KCNQ3: variants seen among roughly 807,000 people sequenced by gnomAD.
KCNQ3 encodes potassium voltage-gated channel subfamily KQT member 3.
Under a neutral mutation model 92.5 loss-of-function variants are expected in KCNQ3, and 30 were observed. The observed-to-expected ratio is 0.32, with a 90% CI of 0.24 to 0.44. The LOEUF (loss-of-function observed/expected upper bound fraction) is 0.44, where lower values mean the gene tolerates loss of function less well. KCNQ3 is among the 20% of genes least tolerant of loss of function. The pLI, the probability that KCNQ3 is intolerant of heterozygous loss-of-function variation, is 1.00. For synonymous variants in KCNQ3, 450 were observed against 468.8 expected (o/e 0.96, Z 0.52); for missense variants, 913 against 1,140.3 (o/e 0.80, Z 2.87).
At chr8:132,454,629 A>C (rs2721909) in intron 1 of KCNQ3, among the ~76,000 whole-genome samples, 141,218 of 152,076 alleles carry the variant, frequency 0.93, 65,585 homozygotes, top group East Asian at 0.93. Flanking sequence ...CCTGATACCC[A>C]CACTGTCCTT....
chr8:132,231,864 C>A (rs1202991826), intron 1 of KCNQ3, among the ~76,000 whole-genome samples: 1 of 152,202 alleles, frequency 6.6e-6, no homozygotes, highest in Non-Finnish European at 1.5e-5. Context: ...GACTTCAGAC[C>A]CTAATAGTTG....
chr8:132,436,530 A>G (rs1821399663), intron 1 of KCNQ3, among the ~76,000 whole-genome samples: 1 of 152,206 alleles, frequency 6.6e-6, no homozygotes, highest in Admixed American at 6.5e-5. Flanking sequence ...CAATGAATGA[A>G]AAAACAGCTT....
intron 1 of KCNQ3, among the ~76,000 whole-genome samples, chr8:132,397,236 G>A (rs954451571): frequency 6.6e-6 from 1 of 152,082 alleles, no homozygotes; most frequent in African/African-American, 2.4e-5. Flanking sequence ...CCAGAGGACT[G>A]CTGCCTGACA....
intron 2 of KCNQ3, among the ~76,000 whole-genome samples, chr8:132,185,438 G>C (rs939290580): frequency 6.6e-6 from 1 of 152,248 alleles, no homozygotes; most frequent in South Asian, 2.1e-4. Context: ...GCCCTTGTTA[G>C]AGCCTCCTCT....
At chr8:132,236,024 C>G (rs73356997) in intron 1 of KCNQ3, among the ~76,000 whole-genome samples, 4,247 of 152,260 alleles carry the variant, frequency 0.028, 223 homozygotes, top group African/African-American at 0.097. Flanking sequence ...TGGCAAGAAA[C>G]AGTTGATAAA....
chr8:132,397,381 A>C (rs2130779345), intron 1 of KCNQ3, among the ~76,000 whole-genome samples: 1 of 152,248 alleles, frequency 6.6e-6, no homozygotes, highest in South Asian at 2.1e-4. Flanking sequence ...AGATTCCATT[A>C]AGGCCTTCCT....
At chr8:132,475,997 A>G (rs1163351476) in intron 1 of KCNQ3, among the ~76,000 whole-genome samples, 1 of 152,234 alleles carries the variant, frequency 6.6e-6, no homozygotes, top group Non-Finnish European at 1.5e-5. Context: ...CCTGTGTCCC[A>G]GCCGCTCCAG....
intron 1 of KCNQ3, among the ~76,000 whole-genome samples, chr8:132,297,772 T>C (rs1331615095): frequency 1.4e-5 from 1 of 72,624 alleles, no homozygotes; most frequent in Non-Finnish European, 3.3e-5. Context: ...CCAACTCTCC[T>C]TTCGCAGCCA....
intron 1 of KCNQ3, among the ~76,000 whole-genome samples, chr8:132,402,864 A>C (rs1820375145): frequency 5.3e-5 from 8 of 151,734 alleles, no homozygotes; most frequent in Admixed American, 3.9e-4. Context: ...AAAATACAAA[A>C]AATTAGCCGG....
intron 1 of KCNQ3, among the ~76,000 whole-genome samples, chr8:132,342,346 C>T (rs922515898): frequency 1.3e-5 from 2 of 151,858 alleles, no homozygotes; most frequent in African/African-American, 2.4e-5. Flanking sequence ...GCGCGTCATC[C>T]CCATTCTCAT....
At chr8:132,323,678 C>G (rs1223768452) in intron 1 of KCNQ3, among the ~76,000 whole-genome samples, 1 of 152,110 alleles carries the variant, frequency 6.6e-6, no homozygotes, top group Non-Finnish European at 1.5e-5. Flanking sequence ...TGATTCTGTA[C>G]CAAAATCTGT....
chr8:132,456,940 T>A (rs1821955787), intron 1 of KCNQ3, among the ~76,000 whole-genome samples: 3 of 152,228 alleles, frequency 2.0e-5, no homozygotes, highest in African/African-American at 4.8e-5. Context: ...AAAAAACTAC[T>A]GTGAACTACA....
At chr8:132,219,162 A>G (rs1814135552) in intron 1 of KCNQ3, among the ~76,000 whole-genome samples, 1 of 152,092 alleles carries the variant, frequency 6.6e-6, no homozygotes, top group Admixed American at 6.5e-5. Flanking sequence ...TTCCACTGAC[A>G]GTTTTCTGGA....
chr8:132,194,227 G>A (rs900887725), intron 1 of KCNQ3, among the ~76,000 whole-genome samples: 12 of 152,266 alleles, frequency 7.9e-5, no homozygotes, highest in Non-Finnish European at 1.3e-4. Flanking sequence ...GCATTGTTAC[G>A]TCATAGTTAG....
intron 1 of KCNQ3, among the ~76,000 whole-genome samples, chr8:132,198,156 G>A (rs1478778215): frequency 2.0e-5 from 3 of 152,210 alleles, no homozygotes; most frequent in African/African-American, 7.2e-5. Context: ...CTGTGCTAGA[G>A]AAGCCCGTGT....
rs1197779219 is a variant in KCNQ3, at chr8:132,397,872, CATCT to C, written c.386+82271_386+82274del. Among the ~76,000 whole-genome samples, 10 of 152,124 alleles carry C rather than the reference CATCT, an allele frequency of 6.6e-5. No individual in the cohort carries two copies. The East Asian group carries it at 7.7e-4, about 12-fold the overall frequency. On this transcript the variant is annotated intron_variant, in intron 1 of 14. Transcript: ENST00000388996. ...TTCAGCTAAATGCCAACTATCTATC[CATCT>C]ATCTATCTGTCTTTCTGTATATCCA...
At chr8:132,169,052 A>G (rs1467845853) in intron 8 of KCNQ3, among the ~76,000 whole-genome samples, 1 of 152,182 alleles carries the variant, frequency 6.6e-6, no homozygotes, top group African/African-American at 2.4e-5. Context: ...TCAAGTAGTG[A>G]AAAGACCATG....
chr8:132,136,508 A>T (rs571845766), intron 12 of KCNQ3, among the ~76,000 whole-genome samples: 2 of 152,314 alleles, frequency 1.3e-5, no homozygotes, highest in Admixed American at 1.3e-4. Context: ...CAGTACAGCC[A>T]CTGCAGTCTC....
At chr8:132,353,246 G>A (rs60002601) in intron 1 of KCNQ3, among the ~76,000 whole-genome samples, 10,919 of 151,710 alleles carry the variant, frequency 0.072, 437 homozygotes, top group South Asian at 0.15. Context: ...CCAGCCCTCC[G>A]CCAAAAAAAG....
Sources: gnomAD v4.1 joint callset for allele counts (sites outside exome capture counted in the v4.1 genomes callset) on GRCh38, gnomAD v4.1.1 for gene constraint, MANE v1.5 for transcripts, NCBI Gene and HGNC (gene_info 2026-07-23, HGNC 2026-07-21) for gene names.